Variants in SLC24A2 observed in about 807,000 individuals in gnomAD.
SLC24A2 encodes the protein solute carrier family 24 member 2.
SLC24A2 carries 36 observed loss-of-function variants against 62.0 expected under a neutral mutation model. That is an observed-to-expected ratio of 0.58 (90% CI 0.44 to 0.77). The LOEUF is 0.77. Ranked by LOEUF, SLC24A2 falls within the 30% of genes least tolerant of loss-of-function variation. The pLI, the probability that SLC24A2 is intolerant of heterozygous loss-of-function variation, is 0.00. For missense variants in SLC24A2, 846 were observed against 817.9 expected (o/e 1.03, Z -0.42); for synonymous variants, 358 against 294.0 (o/e 1.22, Z -2.23).
chr9:20,247,281 C>T, the SLC24A2 span, among the ~76,000 whole-genome samples: 1 of 152,178 alleles, frequency 6.6e-6, no homozygotes, highest in African/African-American at 2.4e-5. Context: ...GTGCTATCAT[C>T]CTTACGTAAG....
the SLC24A2 span, among the ~76,000 whole-genome samples, chr9:19,815,086 G>C: frequency 2.0e-5 from 3 of 152,078 alleles, no homozygotes; most frequent in Admixed American, 2.0e-4. Flanking sequence ...ATAGATTTTG[G>C]CTAATCAGAG....
At chr9:19,879,119 C>T in the SLC24A2 span, among the ~76,000 whole-genome samples, 5 of 151,956 alleles carry the variant, frequency 3.3e-5, no homozygotes, top group African/African-American at 9.7e-5. Flanking sequence ...GAATGCATCC[C>T]CTCCCACCTC....
the SLC24A2 span, among the ~76,000 whole-genome samples, chr9:20,038,362 C>T: frequency 6.6e-6 from 1 of 152,192 alleles, no homozygotes; most frequent in East Asian, 1.9e-4. Context: ...ACTGTTTCCT[C>T]TCAGGTGACT....
the SLC24A2 span, among the ~76,000 whole-genome samples, chr9:20,294,345 C>A: frequency 6.6e-6 from 1 of 152,132 alleles, no homozygotes; most frequent in East Asian, 1.9e-4. Flanking sequence ...ATTGGAATAC[C>A]TCCCGCCCTA....
At chr9:20,000,901 A>T in the SLC24A2 span, among the ~76,000 whole-genome samples, 2 of 152,184 alleles carry the variant, frequency 1.3e-5, no homozygotes, top group Non-Finnish European at 2.9e-5. Context: ...GGACGGAAGG[A>T]GGCAGGAAGC....
the SLC24A2 span, among the ~76,000 whole-genome samples, chr9:19,838,625 G>T: frequency 5.3e-5 from 8 of 151,314 alleles, no homozygotes. Flanking sequence ...GGCAATAGAG[G>T]GAGACTCTGG....
At chr9:19,943,268 G>A in the SLC24A2 span, among the ~76,000 whole-genome samples, 1 of 134,556 alleles carries the variant, frequency 7.4e-6, no homozygotes, top group African/African-American at 2.5e-5. Context: ...GTTGTATGAT[G>A]AATGACTTTT....
chr9:20,147,507 G>T, the SLC24A2 span, among the ~76,000 whole-genome samples: 1 of 152,016 alleles, frequency 6.6e-6, no homozygotes, highest in East Asian at 1.9e-4. Flanking sequence ...TAAAAATTGG[G>T]CCAAAGCTAG....
the SLC24A2 span, among the ~76,000 whole-genome samples, chr9:19,923,454 C>T: frequency 6.6e-6 from 1 of 152,124 alleles, no homozygotes; most frequent in Admixed American, 6.5e-5. Flanking sequence ...GCCACCCCTG[C>T]GCCCTGGGAC....
At chr9:19,997,137 G>A in the SLC24A2 span, among the ~76,000 whole-genome samples, 6 of 152,182 alleles carry the variant, frequency 3.9e-5, no homozygotes, top group East Asian at 1.2e-3. Flanking sequence ...TTTTCCTCAA[G>A]ACAAGAAGAG....
the SLC24A2 span, among the ~76,000 whole-genome samples, chr9:20,090,992 C>G: frequency 6.6e-6 from 1 of 151,660 alleles, no homozygotes; most frequent in Non-Finnish European, 1.5e-5. Context: ...ACAAAATAGA[C>G]AGTATAAAAC....
intron 4 of SLC24A2, among the ~76,000 whole-genome samples, chr9:19,613,770 T>C (rs532034667): frequency 3.0e-4 from 46 of 152,282 alleles, no homozygotes; most frequent in African/African-American, 1.0e-3. Flanking sequence ...GGGTTGGACA[T>C]GGGGTTACAC....
intron 2 of SLC24A2, among the ~76,000 whole-genome samples, chr9:19,722,673 C>A (rs535846928): frequency 1.3e-5 from 2 of 151,080 alleles, no homozygotes; most frequent in African/African-American, 2.4e-5. Flanking sequence ...AAAAAAACCA[C>A]GATATTCAAT....
the SLC24A2 span, among the ~76,000 whole-genome samples, chr9:19,936,101 G>A: frequency 1.8e-4 from 28 of 151,892 alleles, 1 homozygote; most frequent in Admixed American, 9.2e-4. Context: ...AACCATAAAC[G>A]AGGCTGCCAC....
chr9:19,650,607 G>T (rs948394837), intron 2 of SLC24A2, among the ~76,000 whole-genome samples: 2 of 152,162 alleles, frequency 1.3e-5, no homozygotes, highest in African/African-American at 4.8e-5. Flanking sequence ...AAGCTAACTG[G>T]CCAAATGGGA....
the SLC24A2 span, among the ~76,000 whole-genome samples, chr9:20,259,138 A>C: frequency 2.0e-5 from 3 of 152,188 alleles, no homozygotes; most frequent in Non-Finnish European, 4.4e-5. Context: ...AATTGTTTCC[A>C]AGAATTGGAA....
the SLC24A2 span, among the ~76,000 whole-genome samples, chr9:20,106,393 C>A: frequency 2.6e-5 from 4 of 151,874 alleles, no homozygotes; most frequent in Admixed American, 6.6e-5. Context: ...GAGACACAAC[C>A]AAAAAAGAGA....
At chr9:20,090,154 A>C in the SLC24A2 span, among the ~76,000 whole-genome samples, 1 of 152,090 alleles carries the variant, frequency 6.6e-6, no homozygotes, top group Non-Finnish European at 1.5e-5. Flanking sequence ...ACTCCTGCTC[A>C]TTATTACCAG....
the SLC24A2 span, among the ~76,000 whole-genome samples, chr9:20,187,093 G>A: frequency 3.3e-5 from 5 of 152,136 alleles, no homozygotes; most frequent in Non-Finnish European, 7.3e-5. Flanking sequence ...AGCCAGCAGA[G>A]CTGGTCCTAT....
Sources: gnomAD v4.1 joint callset for allele counts (sites outside exome capture counted in the v4.1 genomes callset) on GRCh38, gnomAD v4.1.1 for gene constraint, MANE v1.5 for transcripts, NCBI Gene and HGNC (gene_info 2026-07-23, HGNC 2026-07-21) for gene names.